Variants in TRDN observed in about 807,000 individuals in gnomAD.
The protein encoded by TRDN is triadin.
TRDN carries 161 observed loss-of-function variants against 149.7 expected under a neutral mutation model. That is an observed-to-expected ratio of 1.08 (90% CI 0.95 to 1.23). The LOEUF is 1.23. Among genes scored for constraint, TRDN ranks in the 50% most tolerant of loss-of-function variants. The pLI is 0.00. For synonymous variants in TRDN, 294 were observed against 250.5 expected (o/e 1.17, Z -1.64); for missense variants, 896 against 823.5 (o/e 1.09, Z -1.08).
intron 10 of TRDN, among the ~76,000 whole-genome samples, chr6:123,463,376 T>C (rs1776591699): frequency 6.6e-6 from 1 of 150,562 alleles, no homozygotes; most frequent in Non-Finnish European, 1.5e-5. Context: ...AATAAATAAA[T>C]AAATAAATAA....
chr6:123,535,313 G>T (rs1780472706), intron 4 of TRDN, among the ~76,000 whole-genome samples: 1 of 152,172 alleles, frequency 6.6e-6, no homozygotes. Flanking sequence ...TGGTTTCAAG[G>T]GCACTGAAGG....
At chr6:123,376,776 C>T (rs945986255) in intron 18 of TRDN, among the ~76,000 whole-genome samples, 2 of 151,954 alleles carry the variant, frequency 1.3e-5, no homozygotes, top group Non-Finnish European at 2.9e-5. Context: ...TACAGTTGGG[C>T]CCCTTTGCGT....
intron 34 of TRDN, among the ~76,000 whole-genome samples, chr6:123,260,012 T>C (rs946211237): frequency 3.3e-5 from 5 of 151,766 alleles, no homozygotes; most frequent in Non-Finnish European, 7.4e-5. Flanking sequence ...TCTTTCTATA[T>C]GCCCTCAAAT....
intron 24 of TRDN, among the ~76,000 whole-genome samples, chr6:123,311,952 A>G (rs1383158173): frequency 1.3e-5 from 2 of 151,990 alleles, no homozygotes; most frequent in Non-Finnish European, 2.9e-5. Context: ...AAATTAAAGC[A>G]CTAATACACA....
At chr6:123,291,163 T>C (rs1777997084) in intron 24 of TRDN, among the ~76,000 whole-genome samples, 1 of 151,920 alleles carries the variant, frequency 6.6e-6, no homozygotes, top group South Asian at 2.1e-4. Flanking sequence ...TCAAAAAAAA[T>C]GTATTTTCTT....
chr6:123,469,153 T>G (rs1440096297), intron 9 of TRDN, among the ~76,000 whole-genome samples: 1 of 152,226 alleles, frequency 6.6e-6, no homozygotes, highest in African/African-American at 2.4e-5. Flanking sequence ...GGTATAAGTT[T>G]CCTAGACTAC....
At chr6:123,571,263 A>G (rs1323711703) in intron 1 of TRDN, 131 bp from the exon 2 acceptor site, 2 of 907,856 alleles carry the variant, frequency 2.2e-6, no homozygotes, top group African/African-American at 3.3e-5. Context: ...CCTTAGTGGC[A>G]GGACAAAGCC....
chr6:123,632,727 G>A lies in TRDN; in HGVS notation c.22+4027C>T, dbSNP rs1786072804. Among the ~76,000 whole-genome samples, 4 of 152,152 alleles carry A rather than the reference G, an allele frequency of 2.6e-5. No individual in the cohort carries two copies. In the South Asian group the frequency reaches 8.3e-4, roughly 32 times the overall value. On this transcript the variant is annotated intron_variant, in intron 1 of 40. Coordinates refer to ENST00000334268, the MANE Select transcript of TRDN (RefSeq NM_006073.4). ...GCTCATCCCCGCTTAAGCCAGGGCA[G>A]CTGCCCTTTGCTTTGATGAGGTAAA...
At chr6:123,356,514 TATATATATATA>T (rs1780684662) in intron 20 of TRDN, among the ~76,000 whole-genome samples, 1 of 14,496 alleles carries the variant, frequency 6.9e-5, no homozygotes, top group African/African-American at 2.6e-4. Context: ...TATATATATA[TATATATATATA>T]TATATATATA....
intron 10 of TRDN, among the ~76,000 whole-genome samples, chr6:123,454,998 A>C (rs943112562): frequency 6.6e-6 from 1 of 152,208 alleles, no homozygotes; most frequent in Non-Finnish European, 1.5e-5. Context: ...TGGATAATGA[A>C]GCTTGAGATA....
intron 23 of TRDN, 99 bp from the exon 24 acceptor site, chr6:123,316,594 T>G: frequency 1.1e-6 from 1 of 929,330 alleles, no homozygotes; most frequent in Non-Finnish European, 1.6e-6. Flanking sequence ...TAGGCTTCAC[T>G]GATTTTTCTT....
intron 26 of TRDN, 139 bp from the exon 27 acceptor site, chr6:123,274,809 G>A: frequency 2.7e-6 from 2 of 750,346 alleles, no homozygotes; most frequent in Non-Finnish European, 4.3e-6. Context: ...GGAGGCAGAG[G>A]TTTCAGTGAG....
Position 123,574,848 on chromosome 6 carries a change from T to TTA in TRDN, c.23-3718_23-3717dup, listed in dbSNP as rs1270587188. ...TAAACATTTAAAACAGAACATGAAT[T>TTA]TATATATACATATATATATATATAT... On this transcript the variant is annotated intron_variant, in intron 1 of 40. Transcript: ENST00000334268. 1.5e-3 allele frequency among the ~76,000 whole-genome samples: 152 copies of TTA among 102,496 alleles called. 2 individuals carry two copies. The highest frequency in any genetic ancestry group is 3.9e-3 in the African/African-American group (101 of 26,214). 67.2% of individuals were successfully genotyped at this position (102,496 alleles called of 152,430 possible).
intron 35 of TRDN, 70 bp downstream of exon 35, chr6:123,259,554 A>G: frequency 1.0e-6 from 1 of 992,240 alleles, no homozygotes; most frequent in Non-Finnish European, 1.5e-6. Context: ...TATAATTTGT[A>G]TAAATTTGTT....
chr6:123,535,171 C>A (rs1054414516), intron 4 of TRDN, among the ~76,000 whole-genome samples: 1 of 151,912 alleles, frequency 6.6e-6, no homozygotes, highest in Non-Finnish European at 1.5e-5. Flanking sequence ...GAAAAAGACA[C>A]GGAAAAAAAG....
chr6:123,560,594 C>G (rs185740485), intron 2 of TRDN, among the ~76,000 whole-genome samples: 1 of 152,292 alleles, frequency 6.6e-6, no homozygotes, highest in East Asian at 1.9e-4. Flanking sequence ...CAGATCCCAT[C>G]GCTCAGGACA....
chr6:123,577,637 C>T (rs1782922944), intron 1 of TRDN, among the ~76,000 whole-genome samples: 2 of 152,042 alleles, frequency 1.3e-5, no homozygotes, highest in Admixed American at 1.3e-4. Flanking sequence ...AGAATAATTT[C>T]TATTTCTCTA....
Position 123,571,023 on chromosome 6 carries a change from G to A in TRDN, c.132C>T (p.Phe44=). 1 of 1,613,990 alleles carries A rather than the reference G, an allele frequency of 6.2e-7. No homozygotes were observed. Among genetic ancestry groups the A allele is most frequent in the Non-Finnish European group, 8.5e-7 (1 of 1,179,876 alleles). ...CCAGAAGCCAGGCTGCAGGGGAGCTGAACGTCGTCACTATGTCTTCTGTGA... is the reference window on the plus strand; with the variant it reads ...CCAGAAGCCAGGCTGCAGGGGAGCTAAACGTCGTCACTATGTCTTCTGTGA... The part of the protein sequence containing the change: ...RTVTEDIVTT[F]SSPAAWLLVI... The change falls in exon 2 of 41, where the codon TTC becomes TTT. Residue 44 remains phenylalanine (F), a synonymous_variant. Coordinates refer to ENST00000334268, the MANE Select transcript of TRDN (RefSeq NM_006073.4).
intron 33 of TRDN, among the ~76,000 whole-genome samples, chr6:123,264,037 G>C (rs941368132): frequency 4.6e-5 from 7 of 152,068 alleles, no homozygotes; most frequent in African/African-American, 1.7e-4. Context: ...TGTACGAGGA[G>C]ATTAATATTG....
Sources: gnomAD v4.1 joint callset for allele counts (sites outside exome capture counted in the v4.1 genomes callset) on GRCh38, gnomAD v4.1.1 for gene constraint, MANE v1.5 for transcripts, NCBI Gene and HGNC (gene_info 2026-07-23, HGNC 2026-07-21) for gene names.